Variants in WWOX observed in about 807,000 individuals in gnomAD.
WWOX encodes the protein WW domain containing oxidoreductase.
A neutral mutation model predicts 46.2 loss-of-function variants in WWOX; 69 were observed. The ratio of observed to expected loss-of-function variants is 1.49; its 90% CI spans 1.23 to 1.82. The LOEUF is 1.82. Ranked by LOEUF, WWOX falls within the 40% of genes most tolerant of loss-of-function variation. The pLI, the probability that WWOX is intolerant of heterozygous loss-of-function variation, is 0.00. For missense variants in WWOX, 919 were observed against 542.6 expected, an observed-to-expected ratio of 1.69 and a Z score of -6.89; for synonymous variants, 359 against 202.6, an observed-to-expected ratio of 1.77 and a Z score of -6.56.
At chr16:79,029,108 A>G (rs2047702837) in intron 8 of WWOX, among the ~76,000 whole-genome samples, 1 of 152,176 alleles carries the variant, frequency 6.6e-6, no homozygotes, top group Non-Finnish European at 1.5e-5. Flanking sequence ...CAGCTGAGGT[A>G]TCTCAGGATA....
chr16:78,388,881 A>G (rs2082117108), intron 6 of WWOX, among the ~76,000 whole-genome samples: 1 of 151,444 alleles, frequency 6.6e-6, no homozygotes, highest in African/African-American at 2.4e-5. Context: ...AGGCAGGAGA[A>G]TGGCTTGAAC....
In WWOX at chr16:78,167,410, C is replaced by G. The variant is rs1032884065; in HGVS notation, c.516+3121C>G. ...AGTCAATTTCCGATGATAGAATTTG[C>G]TGTTTTATAGTTTTACTCTAACATG... On this transcript the variant is annotated intron_variant, in intron 5 of 8. Coordinates refer to ENST00000566780, the MANE Select transcript of WWOX (RefSeq NM_016373.4). 7 of 152,152 alleles carry G rather than the reference C, an allele frequency of 4.6e-5. No individual in the cohort carries two copies. In the South Asian group the frequency reaches 6.2e-4, roughly 14 times the overall value. The allele number at this position is 152,152 out of a possible 1,614,324, so 9.4% of individuals were successfully genotyped here.
At chr16:78,452,502 A>T (rs1160513587) in intron 8 of WWOX, among the ~76,000 whole-genome samples, 9 of 94,572 alleles carry the variant, frequency 9.5e-5, no homozygotes, top group East Asian at 3.0e-4. Flanking sequence ...TTTGAGACGG[A>T]GTCTTATTCT....
chr16:78,456,467 A>G (rs568496520), intron 8 of WWOX, among the ~76,000 whole-genome samples: 28 of 152,306 alleles, frequency 1.8e-4, no homozygotes, highest in East Asian at 1.7e-3. Context: ...GCACTTAACA[A>G]AATACTTTGT....
At chr16:78,634,235 A>G (rs2046510073) in intron 8 of WWOX, among the ~76,000 whole-genome samples, 1 of 152,218 alleles carries the variant, frequency 6.6e-6, no homozygotes, top group Admixed American at 6.5e-5. Context: ...GTGAGCTAAG[A>G]GCAGGCAGTT....
intron 8 of WWOX, among the ~76,000 whole-genome samples, chr16:78,774,657 G>A (rs940529027): frequency 1.2e-4 from 18 of 151,934 alleles, no homozygotes; most frequent in African/African-American, 4.1e-4. Context: ...CCCAGGCTCC[G>A]GGCAGTTCCT....
At chr16:78,791,829 G>A (rs530173522) in intron 8 of WWOX, among the ~76,000 whole-genome samples, 23 of 152,188 alleles carry the variant, frequency 1.5e-4, no homozygotes, top group Admixed American at 4.6e-4. Context: ...GCAGTGAGCC[G>A]AGATCGCGCC....
intron 8 of WWOX, among the ~76,000 whole-genome samples, chr16:78,610,639 C>G (rs896142984): frequency 1.3e-5 from 2 of 152,098 alleles, no homozygotes; most frequent in Non-Finnish European, 2.9e-5. Context: ...GTTGCCCCTT[C>G]TCCTAAAGTG....
At chr16:78,806,162 G>C (rs2051031667) in intron 8 of WWOX, among the ~76,000 whole-genome samples, 1 of 152,134 alleles carries the variant, frequency 6.6e-6, no homozygotes, top group Non-Finnish European at 1.5e-5. Flanking sequence ...TTAATTCCCT[G>C]ATATAATAAG....
In WWOX at chr16:78,350,870, C is replaced by T. The variant is rs1020774763; in HGVS notation, c.517-35990C>T. Among the ~76,000 whole-genome samples the T allele has an allele frequency of 5.0e-5, 6 of 120,548 alleles. 2 individuals carry two copies. Among genetic ancestry groups the T allele is most frequent in the Non-Finnish European group, 1.2e-4 (6 of 50,524 alleles). 79.1% of individuals were successfully genotyped at this position (120,548 alleles called of 152,430 possible). ...CCTTGTTTAACCTTTTGAGGAGCCACCAGATTGTTCTCCACAGCAGCCACA... is the reference window on the plus strand; with the variant it reads ...CCTTGTTTAACCTTTTGAGGAGCCATCAGATTGTTCTCCACAGCAGCCACA... On this transcript the variant is annotated intron_variant, in intron 5 of 8. Transcript: ENST00000566780.
At chr16:79,033,255 C>T (rs1018575921) in intron 8 of WWOX, among the ~76,000 whole-genome samples, 4 of 145,688 alleles carry the variant, frequency 2.7e-5, no homozygotes, top group African/African-American at 7.5e-5. Flanking sequence ...AACTGTTTTC[C>T]TTTGTTATTG....
At chr16:79,160,812 C>T (rs2050471242) in intron 8 of WWOX, among the ~76,000 whole-genome samples, 1 of 152,116 alleles carries the variant, frequency 6.6e-6, no homozygotes. Flanking sequence ...TGTATATGTT[C>T]TGTGTATATG....
intron 7 of WWOX, among the ~76,000 whole-genome samples, chr16:78,428,946 A>G (rs2083151622): frequency 6.6e-6 from 1 of 152,216 alleles, no homozygotes. Context: ...TTTTACCTTT[A>G]GAGCAATGCT....
intron 8 of WWOX, among the ~76,000 whole-genome samples, chr16:78,473,216 A>G (rs2084270786): frequency 6.6e-6 from 1 of 152,154 alleles, no homozygotes; most frequent in Non-Finnish European, 1.5e-5. Context: ...TGCGGCCTGC[A>G]TCTCCCACGT....
chr16:79,013,319 G>A (rs1261009865), intron 8 of WWOX, among the ~76,000 whole-genome samples: 2 of 152,208 alleles, frequency 1.3e-5, no homozygotes, highest in Non-Finnish European at 2.9e-5. Flanking sequence ...CCAGCAGGCT[G>A]TGCTGGGGAG....
chr16:78,907,164 C>G (rs1008884009), intron 8 of WWOX, among the ~76,000 whole-genome samples: 1 of 152,044 alleles, frequency 6.6e-6, no homozygotes, highest in Non-Finnish European at 1.5e-5. Context: ...AGAATGGGTA[C>G]TGCTGATGGG....
intron 8 of WWOX, among the ~76,000 whole-genome samples, chr16:78,998,043 A>G (rs1201293242): frequency 2.0e-5 from 3 of 152,116 alleles, no homozygotes; most frequent in East Asian, 1.9e-4. Flanking sequence ...TACCTAGCTA[A>G]TTTTGTGTTT....
intron 8 of WWOX, among the ~76,000 whole-genome samples, chr16:78,914,269 TG>T (rs1463047581): frequency 6.6e-6 from 1 of 152,088 alleles, no homozygotes; most frequent in African/African-American, 2.4e-5. Context: ...TTATTAGTAT[TG>T]CCTTCCCATG....
intron 8 of WWOX, among the ~76,000 whole-genome samples, chr16:78,814,746 A>T (rs544438139): frequency 3.1e-4 from 47 of 152,334 alleles, no homozygotes; most frequent in South Asian, 4.1e-4. Flanking sequence ...AACTAATGTG[A>T]CATGGCAGTG....
Sources: gnomAD v4.1 joint callset for allele counts (sites outside exome capture counted in the v4.1 genomes callset) on GRCh38, gnomAD v4.1.1 for gene constraint, MANE v1.5 for transcripts, NCBI Gene and HGNC (gene_info 2026-07-23, HGNC 2026-07-21) for gene names.